LGI4: variants seen among roughly 807,000 people sequenced by gnomAD.
LGI4 encodes the protein leucine rich repeat LGI family member 4, also known as leucine-rich repeat LGI family member 4.
A neutral mutation model predicts 48.3 loss-of-function variants in LGI4; 36 were observed. That is an observed-to-expected ratio of 0.75 (90% CI 0.57 to 0.98). The LOEUF (loss-of-function observed/expected upper bound fraction) is 0.98. Ranked by LOEUF, LGI4 falls within the 50% of genes least tolerant of loss-of-function variation. The pLI is 0.00. For synonymous variants in LGI4, 355 were observed against 331.6 expected (o/e 1.07, Z -0.77); for missense variants, 701 against 732.1 (o/e 0.96, Z 0.49).
chr19:35,133,975 A>T (rs1184054662), intron 2 of LGI4, 58 bp downstream of exon 2: 5 of 1,484,734 alleles, frequency 3.4e-6, no homozygotes, highest in Middle Eastern at 1.7e-4. Flanking sequence ...ACTCCCACAC[A>T]TGTGCATAAA....
chr19:35,126,166 G>A, intron 8 of LGI4, 104 bp downstream of exon 8: 1 of 1,328,328 alleles, frequency 7.5e-7, no homozygotes, highest in Non-Finnish European at 1.0e-6. Context: ...TGGGGTCCTG[G>A]TTCAAAGGTC....
At chr19:35,129,424 T>C (rs1304215775) in intron 6 of LGI4, among the ~76,000 whole-genome samples, 2 of 152,232 alleles carry the variant, frequency 1.3e-5, no homozygotes, top group East Asian at 3.9e-4. Context: ...AGAAACTCCA[T>C]TTTGATTTGT....
chr19:35,125,334 C>T lies in LGI4; in HGVS notation c.1473G>A (p.Leu491=), dbSNP rs759142192. ...LEPDKGLLEP[L]QELGPPALVA... ...CCAGGGCCGGAGGCCCCAGCTCCTG[C>T]AGTGGCTCCAGGAGCCCCTTGTCAG... Residue 491 remains leucine (L), a synonymous_variant, in exon 9 of 9, where the codon CTG becomes CTA. Coordinates refer to ENST00000310123, the MANE Select transcript of LGI4 (RefSeq NM_139284.3). 19 of 1,612,626 alleles carry T rather than the reference C, an allele frequency of 1.2e-5. No homozygotes were observed. In the African/African-American group the frequency reaches 2.1e-4, roughly 18 times the overall value.
Position 35,126,839 on chromosome 19 carries a change from G to C in LGI4, c.793+14C>G. The stretch of plus-strand genomic sequence containing the variant: ...AGGCTGCTGGACAGGCAGAAGGACG[G>C]GGAGGGGGCTCACCGGGCAGCTCTT... On this transcript the variant is annotated intron_variant, in intron 7 of 8. Coordinates refer to ENST00000310123, the MANE Select transcript of LGI4 (RefSeq NM_139284.3). The C allele has an allele frequency of 6.2e-7, 1 of 1,607,058 alleles. No homozygotes were observed. Among genetic ancestry groups the C allele is most frequent in the Non-Finnish European group, 8.5e-7 (1 of 1,178,428 alleles).
At chr19:35,128,424 C>G (rs1396756022) in intron 6 of LGI4, among the ~76,000 whole-genome samples, 1 of 152,196 alleles carries the variant, frequency 6.6e-6, no homozygotes, top group Non-Finnish European at 1.5e-5. Flanking sequence ...GCTCAAAACT[C>G]TCAGCCGAGA....
chr19:35,131,428 G>A lies in LGI4; in HGVS notation c.586C>T (p.Leu196Phe). The A allele has an allele frequency of 1.9e-6, 3 of 1,552,340 alleles. No individual in the cohort carries two copies. Among genetic ancestry groups the A allele is most frequent in the South Asian group, 2.4e-5 (2 of 84,098 alleles). The change falls in exon 6 of 9, where the codon CTC becomes TTC. Residue 196 changes from leucine (L) to phenylalanine (F), a missense_variant. Transcript: ENST00000310123. Reference sequence around the variant, plus strand: ...AAAGTCTTGGGGTCGAGGTGGTGGAGCTGCATGTGGCTCAGGGAGGCGGGG... The same window carrying A: ...AAAGTCTTGGGGTCGAGGTGGTGGAACTGCATGTGGCTCAGGGAGGCGGGG... ...AGPASLSHMQ[L>F]HHLDPKTFKC...
rs776379812 is a variant in LGI4 at position 35,134,100 on chromosome 19, G to A, written c.175C>T (p.Leu59Phe). The A allele has an allele frequency of 1.9e-6, 3 of 1,563,994 alleles. No individual in the cohort carries two copies. The highest frequency in any genetic ancestry group is 3.8e-5 in the Admixed American group (2 of 52,618). ...AGCTGGGTGACTCCCGTCCTGACGAGTGAGCTGGGGATGTGGGCAGTGGTA... is the reference window on the plus strand; with the variant it reads ...AGCTGGGTGACTCCCGTCCTGACGAATGAGCTGGGGATGTGGGCAGTGGTA... ...SFSPTLLSLSLVRTGVTQLKA... is the reference protein window; with the variant it reads ...SFSPTLLSLSFVRTGVTQLKA... Residue 59 changes from leucine (L) to phenylalanine (F), a missense_variant, in exon 2 of 9, where the codon CTC becomes TTC. Coordinates refer to ENST00000310123, the MANE Select transcript of LGI4 (RefSeq NM_139284.3).
rs769527573 is a variant in LGI4 at position 35,131,302 on chromosome 19, G to C, written c.628+84C>G. ...GTCTTCCCACTCCGGGAAATGGCAG[G>C]GCAGGGAGTGAGACGAGCCTCTTGG... On this transcript the variant is annotated intron_variant, in intron 6 of 8. Transcript: ENST00000310123. 3.7e-4 allele frequency: 549 copies of C among 1,492,466 alleles called. 1 individual carries two copies. The highest frequency in any genetic ancestry group is 4.0e-4 in the Non-Finnish European group (443 of 1,095,938). 92.5% of individuals were successfully genotyped at this position (1,492,466 alleles called of 1,614,324 possible).
In LGI4 at chr19:35,134,691, C is replaced by G. The variant is rs2065198086; in HGVS notation, c.-11G>C. 7.1e-7 allele frequency: 1 copy of G among 1,407,466 alleles called. No individual in the cohort carries two copies. 87.2% of individuals were successfully genotyped at this position (1,407,466 alleles called of 1,614,324 possible). A position where few individuals can be genotyped will look rare whatever the true frequency, so the allele number is the denominator to read the frequency against. The stretch of plus-strand genomic sequence containing the variant: ...GCCTGCCCCTCCCATGCCCCCACCC[C>G]CACTCTGAGGCACCCGCTTCTCCCG... On this transcript the variant is annotated 5_prime_UTR_variant, in exon 1 of 9. Coordinates refer to ENST00000310123, the MANE Select transcript of LGI4 (RefSeq NM_139284.3).
At chr19:35,131,039 T>C in intron 6 of LGI4, 2 of 581,080 alleles carry the variant, frequency 3.4e-6, no homozygotes, top group Admixed American at 3.3e-5. Context: ...GGAGGTGACA[T>C]TGCACCTGCA....
chr19:35,125,536 G>T, intron 8 of LGI4, 29 bp from the exon 9 acceptor site: 1 of 1,492,284 alleles, frequency 6.7e-7, no homozygotes, highest in Admixed American at 2.3e-5. Flanking sequence ...TGAGGGCCTG[G>T]GGTCCCGGGG....
Position 35,126,947 on chromosome 19 carries a change from A to G in LGI4, c.699T>C (p.Pro233=), listed in dbSNP as rs2065144402. The G allele has an allele frequency of 6.2e-7, 1 of 1,613,586 alleles. No individual in the cohort carries two copies. Among genetic ancestry groups the G allele is most frequent in the African/African-American group, 1.3e-5 (1 of 74,908 alleles). The change falls in exon 7 of 9, where the codon CCT becomes CCC. Residue 233 remains proline, a synonymous_variant. Transcript: ENST00000310123. Reference sequence around the variant, plus strand: ...CGAAGGGCTGTGCCAGCACAATGTGAGGCTCCCCTTGGTAGGAGAAGGGCT... The same window carrying G: ...CGAAGGGCTGTGCCAGCACAATGTGGGGCTCCCCTTGGTAGGAGAAGGGCT... ...SVEPFSYQGE[P]HIVLAQPFAG... is the part of the protein sequence containing the mutation.
chr19:35,127,263 C>T (rs2065146838), intron 6 of LGI4, among the ~76,000 whole-genome samples: 1 of 152,218 alleles, frequency 6.6e-6, no homozygotes, highest in Non-Finnish European at 1.5e-5. Context: ...TAGCTCAATG[C>T]AGCCTCCACC....
rs1259207134 is a variant in LGI4, at chr19:35,126,586, T to G, written c.983A>C (p.Gln328Pro). ...NDAELLWLEG[Q>P]PCFVVADASK... is the part of the protein sequence containing the mutation. ...GGCATCGGCCACCACGAAGCAGGGT[T>G]GCCCTTCCAGCCACAGGAGCTCGGC... The change falls in exon 8 of 9, where the codon CAA (glutamine) becomes CCA (proline). Residue 328 changes from glutamine to proline, a missense_variant. Physicochemically the swap from Gln to Pro is moderately conservative, Grantham distance 76. Transcript: ENST00000310123. 3.9e-6 allele frequency: 6 copies of G among 1,540,576 alleles called. No individual in the cohort carries two copies. The Admixed American group carries it at 5.9e-5, about 15-fold the overall frequency.
Position 35,125,159 on chromosome 19 carries a change from G to A in LGI4, c.*34C>T, listed in dbSNP as rs1349249274. On this transcript the variant is annotated 3_prime_UTR_variant, in exon 9 of 9. Transcript: ENST00000310123. ...GGAGCCAGCCAAGGGGCCGTCCAGG[G>A]GCCCCAGCCATGCCCAGAGTCCCGT... is the stretch of plus-strand genomic sequence containing the variant. The A allele has an allele frequency of 2.1e-5, 31 of 1,500,194 alleles. No individual in the cohort carries two copies. The highest frequency in any genetic ancestry group is 2.7e-5 in the Non-Finnish European group (30 of 1,122,258). 92.9% of individuals were successfully genotyped at this position (1,500,194 alleles called of 1,614,324 possible). A position where few individuals can be genotyped will look rare whatever the true frequency, so the allele number is the denominator to read the frequency against.
intron 8 of LGI4, 87 bp from the exon 9 acceptor site, chr19:35,125,594 C>T: frequency 3.6e-6 from 4 of 1,111,626 alleles, no homozygotes; most frequent in Non-Finnish European, 5.2e-6. Context: ...CTGTCGGTCC[C>T]AAAACTCCCA....
intron 1 of LGI4, among the ~76,000 whole-genome samples, 155 bp from the exon 2 acceptor site, chr19:35,134,259 G>T (rs962367386): frequency 1.3e-5 from 2 of 152,214 alleles, no homozygotes; most frequent in Admixed American, 6.5e-5. Context: ...TGCCCTCCTG[G>T]CTTGACAAGG....
Position 35,132,058 on chromosome 19 carries a change from G to T in LGI4, c.315-16C>A. On this transcript the variant is annotated splice_polypyrimidine_tract_variant and intron_variant, in intron 3 of 8. Coordinates refer to ENST00000310123, the MANE Select transcript of LGI4 (RefSeq NM_139284.3). ...CTCGATGAAGCTGTGGAGGGAAGCT[G>T]GGGTCAGGGGGAGGCCCGCTGAGCT... is the stretch of plus-strand genomic sequence containing the variant. The T allele has an allele frequency of 6.4e-7, 1 of 1,563,218 alleles. No homozygotes were observed. The highest frequency in any genetic ancestry group is 8.7e-7 in the Non-Finnish European group (1 of 1,152,896).
In LGI4 at chr19:35,125,213, C is replaced by A. The variant is rs200051494; in HGVS notation, c.1594G>T (p.Glu532Ter). Residue 532 changes from glutamate (E) to a stop codon, truncating the protein, a stop_gained, in exon 9 of 9, where the codon GAG becomes TAG. Transcript: ENST00000310123. LOFTEE classifies it high-confidence loss of function. ...KGPTQIYQHH[E>*]IDLSA ...TGGTCTCAGGCACTGAGGTCGATCT[C>A]GTGATGCTGGTAGATCTGTGTGGGG... 1.3e-6 allele frequency: 2 copies of A among 1,533,156 alleles called. No homozygotes were observed. Among genetic ancestry groups the A allele is most frequent in the Non-Finnish European group, 1.8e-6 (2 of 1,137,220 alleles). 95.0% of individuals were successfully genotyped at this position (1,533,156 alleles called of 1,614,324 possible). A position where few individuals can be genotyped will look rare whatever the true frequency, so the allele number is the denominator to read the frequency against.
Sources: gnomAD v4.1 joint callset for allele counts (sites outside exome capture counted in the v4.1 genomes callset) on GRCh38, gnomAD v4.1.1 for gene constraint, MANE v1.5 for transcripts, NCBI Gene and HGNC (gene_info 2026-07-23, HGNC 2026-07-21) for gene names.